The following COPS3 variants were observed in gnomAD, a reference collection of about 807,000 sequenced individuals.
COPS3 encodes the protein COP9 signalosome complex subunit 3.
COPS3 carries 10 observed loss-of-function variants against 58.2 expected under a neutral mutation model. That is an observed-to-expected ratio of 0.17 (90% confidence interval 0.11 to 0.29). COPS3 has a LOEUF of 0.29. Ranked by LOEUF, COPS3 falls within the 10% of genes least tolerant of loss-of-function variation. The pLI is 1.00. For missense variants in COPS3, 333 were observed against 510.1 expected, an observed-to-expected ratio of 0.65 and a Z score of 3.34; for synonymous variants, 187 against 181.7, an observed-to-expected ratio of 1.03 and a Z score of -0.24.
intron 8 of COPS3, among the ~76,000 whole-genome samples, chr17:17,259,085 C>T (rs981089981): frequency 6.6e-6 from 1 of 152,112 alleles, no homozygotes; most frequent in African/African-American, 2.4e-5. Flanking sequence ...AGTCACCTCT[C>T]CCCTAAGTCC....
Position 17,247,140 on chromosome 17 carries a change from T to G in COPS3, c.1230A>C (p.Ser410=). ...GTTTGTTTCCTGAATCATCTTCTTG[T>G]GAGCCCATACTCTGTAAAGGTAAAG... The part of the protein sequence containing the change: ...NPQFVQKSMG[S]QEDDSGNKPS... Residue 410 remains serine (S), a synonymous_variant, in exon 12 of 12, where the codon TCA becomes TCC. Coordinates refer to ENST00000268717, the MANE Select transcript of COPS3 (RefSeq NM_003653.4). 3.1e-6 allele frequency: 5 copies of G among 1,613,906 alleles called. No homozygotes were observed. The highest frequency in any genetic ancestry group is 4.2e-6 in the Non-Finnish European group (5 of 1,179,754).
chr17:17,280,269 G>A (rs1486647654), intron 1 of COPS3, among the ~76,000 whole-genome samples: 2 of 152,160 alleles, frequency 1.3e-5, no homozygotes, highest in Non-Finnish European at 2.9e-5. Flanking sequence ...AAATTAGCCG[G>A]GCAGGCGCCT....
chr17:17,262,147 A>G, intron 6 of COPS3, 41 bp from the exon 7 acceptor site: 1 of 1,554,804 alleles, frequency 6.4e-7, no homozygotes, highest in Non-Finnish European at 8.7e-7. Context: ...AGAACATACC[A>G]CAGTAGCAAA....
At chr17:17,271,893 TTAAATAA>T (rs1485805216) in intron 2 of COPS3, among the ~76,000 whole-genome samples, 1 of 109,826 alleles carries the variant, frequency 9.1e-6, no homozygotes, top group Admixed American at 9.0e-5. Context: ...ATAATATATA[TTAAATAA>T]TAAACATGTA....
At position 17,246,650 on chromosome 17, in the gene COPS3, A is replaced by C. The variant is rs1332470394; in HGVS notation, c.*448T>G. Among the ~76,000 whole-genome samples, 7 of 152,080 alleles carry C rather than the reference A, an allele frequency of 4.6e-5. No homozygotes were observed. Among genetic ancestry groups the C allele is most frequent in the Non-Finnish European group, 7.4e-5 (5 of 68,008 alleles). ...GGCCTTTCTTTTCTTTTATTTTCTG[A>C]AGACAATGATTACAACTTTTAGATT... On this transcript the variant is annotated 3_prime_UTR_variant, in exon 12 of 12. Coordinates refer to ENST00000268717, the MANE Select transcript of COPS3 (RefSeq NM_003653.4).
intron 6 of COPS3, among the ~76,000 whole-genome samples, chr17:17,263,287 CAAA>C (rs71152856): frequency 4.5e-5 from 6 of 134,630 alleles, no homozygotes; most frequent in Admixed American, 7.5e-5. Context: ...GACTCCATTT[CAAA>C]AAAAAAAAAA....
At chr17:17,261,670 G>A (rs753557013) in intron 7 of COPS3, 2 of 435,520 alleles carry the variant, frequency 4.6e-6, no homozygotes, top group Non-Finnish European at 8.8e-6. Flanking sequence ...CACCAACCTG[G>A]CCAACATAGC....
intron 11 of COPS3, 67 bp downstream of exon 11, chr17:17,247,413 G>T: frequency 7.1e-7 from 1 of 1,402,646 alleles, no homozygotes; most frequent in Non-Finnish European, 1.0e-6. Context: ...TAGTTCCTGT[G>T]CCTGATGTGA....
chr17:17,275,109 T>G (rs1567863117), intron 2 of COPS3, among the ~76,000 whole-genome samples: 1 of 151,694 alleles, frequency 6.6e-6, no homozygotes, highest in Admixed American at 6.6e-5. Context: ...TTTTTTTTTT[T>G]TGAGAGAGTC....
chr17:17,270,879 A>C lies in COPS3; in HGVS notation c.298+17T>G. The C allele has an allele frequency of 6.2e-7, 1 of 1,610,736 alleles. No homozygotes were observed. The highest frequency in any genetic ancestry group is 8.5e-7 in the Non-Finnish European group (1 of 1,177,594). On this transcript the variant is annotated intron_variant, in intron 3 of 11. Transcript: ENST00000268717. ...GCAAAATATTTTCAATGGAGAATAA[A>C]ATGTTATTTAGCTTACAAGTGTCTG...
chr17:17,280,873 G>A (rs1379930209), intron 1 of COPS3: 3 of 1,077,136 alleles, frequency 2.8e-6, no homozygotes, highest in East Asian at 2.9e-5. Context: ...CCGGTGGAAG[G>A]GGCCCAGGCC....
Position 17,280,549 on chromosome 17 carries a change from CAAAG to C in COPS3, c.55+579_55+582del, listed in dbSNP as rs761478057. ...CACTCCAGCCTCGGCTAAAAAAAAA[CAAAG>C]AAGAAGAAATGGAGTCCTACGAGCG... On this transcript the variant is annotated intron_variant, in intron 1 of 11. Transcript: ENST00000268717. 8.9e-5 allele frequency: 83 copies of C among 936,424 alleles called. 1 individual carries two copies. In the Admixed American group the frequency reaches 2.5e-3, roughly 28 times the overall value. The allele number at this position is 936,424 out of a possible 1,614,324, so 58.0% of individuals were successfully genotyped here.
intron 1 of COPS3, 79 bp downstream of exon 1, chr17:17,281,053 G>A: frequency 6.7e-7 from 1 of 1,488,712 alleles, no homozygotes; most frequent in Non-Finnish European, 9.2e-7. Context: ...GGCTGTTCCA[G>A]CCGTCCGTGC....
intron 9 of COPS3, among the ~76,000 whole-genome samples, chr17:17,253,279 T>A (rs527828341): frequency 6.6e-6 from 1 of 152,156 alleles, no homozygotes; most frequent in Non-Finnish European, 1.5e-5. Flanking sequence ...ATACAAGGGG[T>A]CATATGAAGC....
At chr17:17,263,510 CTTTTTTTTTTTTT>C (rs34755381) in intron 6 of COPS3, among the ~76,000 whole-genome samples, 1 of 98,872 alleles carries the variant, frequency 1.0e-5, no homozygotes, top group Non-Finnish European at 1.9e-5. Context: ...CTTGCCTTTT[CTTTTTTTTTTTTT>C]TTTTTTTGAG....
intron 1 of COPS3, chr17:17,280,482 G>A: frequency 9.6e-7 from 1 of 1,037,644 alleles, no homozygotes; most frequent in Non-Finnish European, 1.2e-6. Context: ...ATCGCTTGAA[G>A]CCGGGAGGCT....
At chr17:17,280,218 C>T (rs533639410) in intron 1 of COPS3, among the ~76,000 whole-genome samples, 1 of 152,208 alleles carries the variant, frequency 6.6e-6, no homozygotes, top group Non-Finnish European at 1.5e-5. Context: ...CGAGACCAGC[C>T]AGGCCAACAT....
Position 17,260,286 on chromosome 17 carries a change from T to G in COPS3, c.936+15A>C, listed in dbSNP as rs368053525. The G allele has an allele frequency of 2.7e-4, 441 of 1,611,508 alleles. No homozygotes were observed. Among genetic ancestry groups the G allele is most frequent in the Non-Finnish European group, 3.5e-4 (417 of 1,178,082 alleles). ...GGGGTCAGGAGCTGCCCTGTGAAGG[T>G]GGCACTTTCCTCACCTTTGTTAGCC... is the stretch of plus-strand genomic sequence containing the variant. On this transcript the variant is annotated intron_variant, in intron 8 of 11. Transcript: ENST00000268717.
chr17:17,270,422 G>A (rs1031699253), intron 4 of COPS3, among the ~76,000 whole-genome samples: 1 of 151,984 alleles, frequency 6.6e-6, no homozygotes, highest in Non-Finnish European at 1.5e-5. Context: ...CTTTTTGTAA[G>A]GCTAAAATAA....
Sources: gnomAD v4.1 joint callset for allele counts (sites outside exome capture counted in the v4.1 genomes callset) on GRCh38, gnomAD v4.1.1 for gene constraint, MANE v1.5 for transcripts, NCBI Gene and HGNC (gene_info 2026-07-23, HGNC 2026-07-21) for gene names.